MKKS: variants seen among roughly 807,000 people sequenced by gnomAD.
MKKS encodes the protein MKKS centrosomal shuttling protein.
Under a neutral mutation model 33.2 loss-of-function variants are expected in MKKS, and 29 were observed. The ratio of observed to expected loss-of-function variants is 0.87; its 90% confidence interval spans 0.65 to 1.19. The LOEUF (loss-of-function observed/expected upper bound fraction) is 1.19, where lower values mean the gene tolerates loss of function less well. Among genes scored for constraint, MKKS ranks in the 50% most tolerant of loss-of-function variants. The pLI, the probability that MKKS is intolerant of heterozygous loss-of-function variation, is 0.00. For missense variants in MKKS, 661 were observed against 662.3 expected (o/e 1.00, Z 0.02); for synonymous variants, 260 against 244.0 (o/e 1.07, Z -0.61).
intron 1 of MKKS, among the ~76,000 whole-genome samples, chr20:10,422,781 A>G (rs1439832850): frequency 1.3e-5 from 2 of 149,410 alleles, no homozygotes; most frequent in Non-Finnish European, 3.0e-5. Context: ...GTGCGATCTC[A>G]GCTCACTGCA....
intron 1 of MKKS, among the ~76,000 whole-genome samples, chr20:10,422,860 C>T (rs977137622): frequency 3.3e-5 from 5 of 151,838 alleles, no homozygotes; most frequent in South Asian, 2.1e-4. Context: ...TACAGGTGCC[C>T]GCCACCACAC....
rs147688404 is a variant in MKKS, at chr20:10,405,271, T to C, written c.1689A>G (p.Ser563=). The change falls in exon 6 of 6, where the codon TCA becomes TCG. Residue 563 remains serine (S), a synonymous_variant. Transcript: ENST00000347364. The part of the protein sequence containing the change: ...VETANLILDL[S]YVIEDKN ...CTTAGTTTTTATCTTCAATAACATA[T>C]GAAAGATCCAAAATCAAATTGGCTG... is the stretch of plus-strand genomic sequence containing the variant. The C allele has an allele frequency of 6.2e-6, 10 of 1,612,866 alleles. No individual in the cohort carries two copies. The African/African-American group carries it at 9.3e-5, about 15-fold the overall frequency.
rs1337989187 is a variant in MKKS, at chr20:10,413,889, T to A, written c.-375A>T. ...TCTAATCCAACTGGTATTTTTCATC[T>A]CTTCTTTCGATATGAAGCTCAGATT... On this transcript the variant is annotated 5_prime_UTR_variant, in exon 3 of 6. Coordinates refer to ENST00000347364, the MANE Select transcript of MKKS (RefSeq NM_170784.3). 2.4e-6 allele frequency: 1 copy of A among 422,730 alleles called. No individual in the cohort carries two copies. Among genetic ancestry groups the A allele is most frequent in the African/African-American group, 2.0e-5 (1 of 48,962 alleles). The allele number at this position is 422,730 out of a possible 1,614,324, so 26.2% of individuals were successfully genotyped here. A position where few individuals can be genotyped will look rare whatever the true frequency, so the allele number is the denominator to read the frequency against.
intron 2 of MKKS, among the ~76,000 whole-genome samples, chr20:10,419,596 T>G (rs1266505238): frequency 6.6e-6 from 1 of 152,208 alleles, no homozygotes; most frequent in African/African-American, 2.4e-5. Context: ...TACATACCTA[T>G]GATAAAGTTC....
At chr20:10,427,029 G>GACACACACACAGAC (rs1226255722) in intron 1 of MKKS, among the ~76,000 whole-genome samples, 2,163 of 130,760 alleles carry the variant, frequency 0.017, 25 homozygotes, top group South Asian at 0.026. Context: ...AGAAAACACT[G>GACACACACACAGAC]ACACACACAC....
intron 1 of MKKS, among the ~76,000 whole-genome samples, chr20:10,429,955 A>G (rs948584543): frequency 2.6e-4 from 40 of 152,216 alleles, no homozygotes; most frequent in African/African-American, 8.9e-4. Flanking sequence ...TTCTGAAGCT[A>G]AAGTTTGAGA....
At chr20:10,423,066 A>C (rs999194671) in intron 1 of MKKS, among the ~76,000 whole-genome samples, 3 of 151,964 alleles carry the variant, frequency 2.0e-5, no homozygotes, top group Admixed American at 2.0e-4. Flanking sequence ...TTACTTCTCC[A>C]TGATCATTAA....
intron 1 of MKKS, among the ~76,000 whole-genome samples, chr20:10,432,533 C>T (rs1416846314): frequency 6.6e-6 from 1 of 152,178 alleles, no homozygotes; most frequent in Non-Finnish European, 1.5e-5. Context: ...TGGGTCATGC[C>T]TGTAATCCCA....
rs1210427804 is a variant in MKKS at position 10,410,628 on chromosome 20, A to G, written c.986-1825T>C. ...GGGCGATAGAGTGAGACTCCACCTT[A>G]AAACAAACAAAAACCTCTGTAAGCT... On this transcript the variant is annotated intron_variant, in intron 3 of 5. Coordinates refer to ENST00000347364, the MANE Select transcript of MKKS (RefSeq NM_170784.3). 2.0e-5 allele frequency among the ~76,000 whole-genome samples: 3 copies of G among 152,158 alleles called. No homozygotes were observed. The East Asian group carries it at 5.8e-4, about 29-fold the overall frequency.
At chr20:10,425,321 A>C (rs1345564726) in intron 1 of MKKS, among the ~76,000 whole-genome samples, 2 of 152,222 alleles carry the variant, frequency 1.3e-5, no homozygotes, top group African/African-American at 4.8e-5. Flanking sequence ...TCTGTGATTG[A>C]AAGAAATTTG....
At chr20:10,431,573 C>T (rs758980813) in intron 1 of MKKS, 1 of 143,322 alleles carries the variant, frequency 7.0e-6, no homozygotes, top group African/African-American at 2.8e-5. Context: ...AAACCAAACC[C>T]GCACAAAAAA....
In MKKS at chr20:10,412,536, T is replaced by G. The variant is rs117737169; in HGVS notation, c.979A>C (p.Met327Leu). Residue 327 changes from methionine to leucine, a missense_variant, in exon 3 of 6, where the codon ATG becomes CTG. Transcript: ENST00000347364. ...GVTLMEPLTK[M>L]TGTQPIGSLG... ...AGCAAAGAGTGATTTTTACCTGTCA[T>G]TTTAGTCAGGGGTTCCATCAGAGTC... The G allele has an allele frequency of 2.5e-6, 4 of 1,613,674 alleles. No individual in the cohort carries two copies. The highest frequency in any genetic ancestry group is 3.4e-6 in the Non-Finnish European group (4 of 1,179,908).
rs908467793 is a variant in MKKS at position 10,402,829 on chromosome 20, C to G, written c.*2418G>C. 6.6e-6 allele frequency: 1 copy of G among 152,162 alleles called. No homozygotes were observed. Among genetic ancestry groups the G allele is most frequent in the African/African-American group, 2.4e-5 (1 of 41,444 alleles). 9.4% of individuals were successfully genotyped at this position (152,162 alleles called of 1,614,324 possible). On this transcript the variant is annotated 3_prime_UTR_variant, in exon 6 of 6. Transcript: ENST00000347364. Reference sequence around the variant, plus strand: ...AGAATGCTTTTTTCCATTTATGTGACCAAGTTTTCAGTAAATAATTTATTA... The same window carrying G: ...AGAATGCTTTTTTCCATTTATGTGAGCAAGTTTTCAGTAAATAATTTATTA...
chr20:10,412,877 G>C lies in MKKS; in HGVS notation c.638C>G (p.Thr213Ser), dbSNP rs780570415. 1 of 1,614,014 alleles carries C rather than the reference G, an allele frequency of 6.2e-7. No individual in the cohort carries two copies. The highest frequency in any genetic ancestry group is 1.3e-5 in the African/African-American group (1 of 74,910). Residue 213 changes from threonine (T) to serine (S), a missense_variant, in exon 3 of 6, where the codon ACT (threonine) becomes AGT (serine). Thr to Ser is a moderately conservative substitution (Grantham distance 58). Coordinates refer to ENST00000347364, the MANE Select transcript of MKKS (RefSeq NM_170784.3). ...PLKGQRVIDS[T>S]VLPGILIEMS... ...TTCAATGAGTATCCCAGGTAATACA[G>C]TGGAATCTATAACTCTTTGACCTTT...
In MKKS at chr20:10,407,809, G is replaced by T. The variant is rs2064853641; in HGVS notation, c.1162-83C>A. The T allele has an allele frequency of 4.0e-6, 4 of 1,006,300 alleles. No homozygotes were observed. In the South Asian group the frequency reaches 4.1e-5, roughly 10 times the overall value. 62.3% of individuals were successfully genotyped at this position (1,006,300 alleles called of 1,614,324 possible). A position where few individuals can be genotyped will look rare whatever the true frequency, so the allele number is the denominator to read the frequency against. ...AATCATGCTCTCAAAGCATCATAGT[G>T]AATACAGAGAGTGTGATTTTAATTA... On this transcript the variant is annotated intron_variant, in intron 4 of 5. Coordinates refer to ENST00000347364, the MANE Select transcript of MKKS (RefSeq NM_170784.3).
chr20:10,433,380 C>T (rs1835608848), intron 1 of MKKS, among the ~76,000 whole-genome samples: 1 of 152,222 alleles, frequency 6.6e-6, no homozygotes, highest in Non-Finnish European at 1.5e-5. Flanking sequence ...TATTGTTTCT[C>T]CCCCATCACT....
Position 10,408,861 on chromosome 20 carries a change from A to T in MKKS, c.986-58T>A, listed in dbSNP as rs142933185. 694 of 1,325,658 alleles carry T rather than the reference A, an allele frequency of 5.2e-4. 6 individuals are homozygous for T. The East Asian group carries it at 0.013, about 24-fold the overall frequency. 82.1% of individuals were successfully genotyped at this position (1,325,658 alleles called of 1,614,324 possible). On this transcript the variant is annotated intron_variant, in intron 3 of 5. Coordinates refer to ENST00000347364, the MANE Select transcript of MKKS (RefSeq NM_170784.3). ...ATAAGCAAAAGTGGAGCAAACAACC[A>T]TTTAAAAGTATATTTATTCCTAGCC...
At position 10,404,924 on chromosome 20, in the gene MKKS, G is replaced by T; in HGVS notation, c.*323C>A. 5.2e-6 allele frequency: 1 copy of T among 192,068 alleles called. No individual in the cohort carries two copies. The highest frequency in any genetic ancestry group is 1.1e-5 in the Non-Finnish European group (1 of 92,560). The allele number at this position is 192,068 out of a possible 1,614,324, so 11.9% of individuals were successfully genotyped here. ...AATATGTATATCCAAACTAGAGCAT[G>T]GATTAGGAGTCTTTTTTATTTGTTT... On this transcript the variant is annotated 3_prime_UTR_variant, in exon 6 of 6. Transcript: ENST00000347364.
Position 10,404,212 on chromosome 20 carries a change from T to A in MKKS, c.*1035A>T, listed in dbSNP as rs1365899199. ...GTCTCTACTTTGAACATGGGAGATTTTCTACTTTCTTTTTCATACTATTGA... is the reference window on the plus strand; with the variant it reads ...GTCTCTACTTTGAACATGGGAGATTATCTACTTTCTTTTTCATACTATTGA... On this transcript the variant is annotated 3_prime_UTR_variant, in exon 6 of 6. Transcript: ENST00000347364. The A allele has an allele frequency of 6.6e-6, 1 of 152,064 alleles. No homozygotes were observed. Among genetic ancestry groups the A allele is most frequent in the Non-Finnish European group, 1.5e-5 (1 of 68,018 alleles). The allele number at this position is 152,064 out of a possible 1,614,324, so 9.4% of individuals were successfully genotyped here.
Sources: allele counts gnomAD v4.1 joint callset (sites outside exome capture counted in the v4.1 genomes callset), GRCh38; gene constraint gnomAD v4.1.1; transcripts MANE v1.5; gene names NCBI Gene and HGNC (gene_info 2026-07-23, HGNC 2026-07-21).